Variants in IGSF10 observed in about 807,000 individuals in gnomAD.
IGSF10 encodes immunoglobulin superfamily member 10.
A neutral mutation model predicts 128.2 loss-of-function variants in IGSF10; 126 were observed. The ratio of observed to expected loss-of-function variants is 0.98; its 90% CI spans 0.85 to 1.14. The LOEUF is 1.14. Ranked by LOEUF, IGSF10 falls within the 50% of genes most tolerant of loss-of-function variation. The pLI is 0.00. For missense variants in IGSF10, 3,295 were observed against 3,149.8 expected (o/e 1.05, Z -1.10); for synonymous variants, 1,185 against 1,146.2 (o/e 1.03, Z -0.68).
the IGSF10 span, among the ~76,000 whole-genome samples, chr3:151,553,420 T>C: frequency 6.6e-6 from 1 of 152,090 alleles, no homozygotes; most frequent in Non-Finnish European, 1.5e-5. Flanking sequence ...CAGTAGCTAT[T>C]AAAATTGTCA....
At chr3:151,552,263 T>C in the IGSF10 span, among the ~76,000 whole-genome samples, 1 of 152,296 alleles carries the variant, frequency 6.6e-6, no homozygotes, top group East Asian at 1.9e-4. Context: ...GCAGAAACTG[T>C]GAGTCAATTA....
chr3:151,574,013 ATTCTT>A, the IGSF10 span, among the ~76,000 whole-genome samples: 1 of 151,310 alleles, frequency 6.6e-6, no homozygotes, highest in Non-Finnish European at 1.5e-5. Flanking sequence ...GGATATGAAA[ATTCTT>A]TTCTTTAAGA....
At chr3:151,551,020 C>A in the IGSF10 span, among the ~76,000 whole-genome samples, 5 of 152,138 alleles carry the variant, frequency 3.3e-5, no homozygotes, top group African/African-American at 1.2e-4. Flanking sequence ...AACAACCCAG[C>A]ATGGTTCAGT....
the IGSF10 span, among the ~76,000 whole-genome samples, chr3:151,467,800 C>A: frequency 6.6e-6 from 1 of 151,308 alleles, no homozygotes; most frequent in African/African-American, 2.4e-5. Context: ...AGGAGAATGG[C>A]GTGAACCCCG....
At chr3:151,472,064 A>G in the IGSF10 span, among the ~76,000 whole-genome samples, 3,116 of 152,306 alleles carry the variant, frequency 0.02, 32 homozygotes, top group South Asian at 0.034. Context: ...CTCATCATGG[A>G]ACAGACAAAA....
chr3:151,515,406 G>C, the IGSF10 span, among the ~76,000 whole-genome samples: 2 of 145,632 alleles, frequency 1.4e-5, no homozygotes, highest in Admixed American at 7.1e-5. Context: ...ACTCATAGGT[G>C]GGAATTGAAC....
chr3:151,513,280 C>T, the IGSF10 span, among the ~76,000 whole-genome samples: 1 of 151,946 alleles, frequency 6.6e-6, no homozygotes, highest in East Asian at 1.9e-4. Context: ...ATCAAGTGGG[C>T]TTCATCCCTG....
At position 151,446,826 on chromosome 3, in the gene IGSF10, G is replaced by A. The variant is rs1276827501; in HGVS notation, c.3155C>T (p.Thr1052Ile). 3 of 1,614,172 alleles carry A rather than the reference G, an allele frequency of 1.9e-6. No homozygotes were observed. The highest frequency in any genetic ancestry group is 2.5e-6 in the Non-Finnish European group (3 of 1,180,020). Residue 1052 changes from threonine to isoleucine, a missense_variant, in exon 6 of 8, where the codon ACT (threonine) becomes ATT (isoleucine). By Grantham distance (89) the Thr-to-Ile change is moderately conservative. Coordinates refer to ENST00000282466, the MANE Select transcript of IGSF10 (RefSeq NM_178822.5). ...ATTGAGCACTGTGGCTGAGAATGCA[G>A]TAGTGCTTTTTTCAGAAGAACCTCT... ...TTRGSSEKST[T>I]AFSATVLNVT...
the IGSF10 span, among the ~76,000 whole-genome samples, chr3:151,530,803 C>T: frequency 3.3e-5 from 5 of 152,244 alleles, no homozygotes; most frequent in East Asian, 7.7e-4. Flanking sequence ...GAAACGGCAT[C>T]AACTAACGGG....
At chr3:151,477,892 G>T in the IGSF10 span, among the ~76,000 whole-genome samples, 207 of 152,256 alleles carry the variant, frequency 1.4e-3, 1 homozygote, top group African/African-American at 4.6e-3. Flanking sequence ...AAACAAGTGA[G>T]CATGGCTATG....
At chr3:151,551,581 G>A in the IGSF10 span, among the ~76,000 whole-genome samples, 22,002 of 151,288 alleles carry the variant, frequency 0.15, 1,736 homozygotes, top group Middle Eastern at 0.2. Flanking sequence ...TTTGAGGAAA[G>A]GTTAATCAGA....
In IGSF10 at chr3:151,447,675, G is replaced by T; in HGVS notation, c.2306C>A (p.Pro769Gln). 6.2e-7 allele frequency: 1 copy of T among 1,614,108 alleles called. No homozygotes were observed. Among genetic ancestry groups the T allele is most frequent in the Non-Finnish European group, 8.5e-7 (1 of 1,180,010 alleles). ...CACTGTGGTATTTTCTCGCTTGTCT[G>T]GCATAGCATTCTTTTTAGCTTTCTC... ...LLEKAKKNAM[P>Q]DKRENTTVSP... Residue 769 changes from proline (P) to glutamine (Q), a missense_variant, in exon 6 of 8, where the codon CCA (proline) becomes CAA (glutamine). Pro to Gln is a moderately conservative substitution (Grantham distance 76). Transcript: ENST00000282466.
chr3:151,563,121 C>T, the IGSF10 span, among the ~76,000 whole-genome samples: 2 of 40,902 alleles, frequency 4.9e-5, no homozygotes, highest in South Asian at 1.1e-3. Flanking sequence ...TTTTCTTAGA[C>T]GGTAGGTCAT....
chr3:151,473,351 A>C, the IGSF10 span, among the ~76,000 whole-genome samples: 2 of 152,226 alleles, frequency 1.3e-5, no homozygotes, highest in Non-Finnish European at 1.5e-5. Context: ...GGAGGAATGG[A>C]AAACTATTAT....
At chr3:151,587,548 T>G in the IGSF10 span, among the ~76,000 whole-genome samples, 1 of 152,312 alleles carries the variant, frequency 6.6e-6, no homozygotes, top group East Asian at 1.9e-4. Context: ...TGTATAGGAT[T>G]ACAAATTTGT....
At chr3:151,523,687 C>A in the IGSF10 span, among the ~76,000 whole-genome samples, 1 of 151,956 alleles carries the variant, frequency 6.6e-6, no homozygotes, top group Admixed American at 6.6e-5. Flanking sequence ...AATGTAAAAC[C>A]CCAAACTATG....
the IGSF10 span, among the ~76,000 whole-genome samples, chr3:151,617,689 G>T: frequency 6.6e-6 from 1 of 151,952 alleles, no homozygotes; most frequent in Admixed American, 6.6e-5. Context: ...AGTTTTGGGG[G>T]GCCAGGAGCA....
At chr3:151,455,096 A>G (rs1486425168) in intron 4 of IGSF10, among the ~76,000 whole-genome samples, 1 of 151,954 alleles carries the variant, frequency 6.6e-6, no homozygotes, top group African/African-American at 2.4e-5. Flanking sequence ...CTTCTAAATA[A>G]AGTTTCTTTT....
In IGSF10 at chr3:151,448,722, G is replaced by T; in HGVS notation, c.1259C>A (p.Ala420Glu). 1 of 1,613,726 alleles carries T rather than the reference G, an allele frequency of 6.2e-7. No homozygotes were observed. Among genetic ancestry groups the T allele is most frequent in the Non-Finnish European group, 8.5e-7 (1 of 1,179,678 alleles). ...CCAAGAGGGATCTGCTCTGAGATCT[G>T]CCTCTATGTTGGTAAAAATGTCTTC... ...KPEDIFTNIE[A>E]DLRADPSWLM... Residue 420 changes from alanine to glutamate, a missense_variant, in exon 6 of 8, where the codon GCA becomes GAA. Ala to Glu is a moderately radical substitution (Grantham distance 107, BLOSUM62 -1). Coordinates refer to ENST00000282466, the MANE Select transcript of IGSF10 (RefSeq NM_178822.5).
Sources: gnomAD v4.1 joint callset for allele counts (sites outside exome capture counted in the v4.1 genomes callset) on GRCh38, gnomAD v4.1.1 for gene constraint, MANE v1.5 for transcripts, NCBI Gene and HGNC (gene_info 2026-07-23, HGNC 2026-07-21) for gene names.